DLEC1: variants seen among roughly 807,000 people sequenced by gnomAD.
DLEC1 encodes the protein DLEC1 cilia and flagella associated protein.
DLEC1 carries 146 observed loss-of-function variants against 198.1 expected under a neutral mutation model. That is an observed-to-expected ratio of 0.74 (90% CI 0.64 to 0.85). The LOEUF (loss-of-function observed/expected upper bound fraction) is 0.85. Ranked by LOEUF, DLEC1 falls within the 40% of genes least tolerant of loss-of-function variation. DLEC1 has a pLI of 0.00. For synonymous variants in DLEC1, 897 were observed against 866.8 expected, an observed-to-expected ratio of 1.03 and a Z score of -0.61; for missense variants, 2,233 against 2,220.0, an observed-to-expected ratio of 1.01 and a Z score of -0.12.
Position 38,112,003 on chromosome 3 carries a change from TCTCAGGGAGTA to T in DLEC1, c.3515-206_3515-196del, listed in dbSNP as rs1340380801. ...GGAGGGCTCCCATGGGGACCCAGCC[TCTCAGGGAGTA>T]GAGAGGCTGACCACGCAGGACCCTG... On this transcript the variant is annotated intron_variant, in intron 24 of 36. Coordinates refer to ENST00000308059, the MANE Select transcript of DLEC1 (RefSeq NM_007335.4). This position sits in a 1 kb window ranked among gnomAD's most constrained non-coding sequence, Gnocchi z 4.8. Among the ~76,000 whole-genome samples, 11 of 152,128 alleles carry T rather than the reference TCTCAGGGAGTA, an allele frequency of 7.2e-5. No homozygotes were observed. The highest frequency in any genetic ancestry group is 2.7e-4 in the African/African-American group (11 of 41,416).
Position 38,097,695 on chromosome 3 carries a change from A to G in DLEC1, c.2566-49A>G. The G allele has an allele frequency of 1.9e-6, 3 of 1,613,572 alleles. No individual in the cohort carries two copies. In the South Asian group the frequency reaches 3.3e-5, roughly 18 times the overall value. On this transcript the variant is annotated intron_variant, in intron 17 of 36. Coordinates refer to ENST00000308059, the MANE Select transcript of DLEC1 (RefSeq NM_007335.4). ...CCCAGAGAGGTGGCAGGGCTGGGAC[A>G]CTGAGCCATCCCCAGGTGGCCCAGT...
chr3:38,092,747 G>A (rs1698805055), intron 10 of DLEC1, 43 bp from the exon 11 acceptor site: 1 of 1,572,142 alleles, frequency 6.4e-7, no homozygotes, highest in Non-Finnish European at 8.8e-7. Flanking sequence ...GAGGGTGGAA[G>A]CCCTTTAATG....
At chr3:38,092,761 G>A (rs1559438949) in intron 10 of DLEC1, 29 bp from the exon 11 acceptor site, 1 of 1,605,090 alleles carries the variant, frequency 6.2e-7, no homozygotes, top group Non-Finnish European at 8.5e-7. Context: ...TTTAATGGGA[G>A]GTAACGGAAC....
At chr3:38,089,263 C>A (rs978353736) in intron 10 of DLEC1, among the ~76,000 whole-genome samples, 8 of 152,228 alleles carry the variant, frequency 5.3e-5, no homozygotes, top group Non-Finnish European at 1.0e-4. Flanking sequence ...AAGGCCCTAT[C>A]CCTGAGGTTC....
intron 6 of DLEC1, among the ~76,000 whole-genome samples, chr3:38,076,628 G>A (rs1697638595): frequency 6.6e-6 from 1 of 152,086 alleles, no homozygotes. Context: ...GTTAAGGTGG[G>A]GCAGGGCATA....
intron 19 of DLEC1, among the ~76,000 whole-genome samples, chr3:38,104,162 A>G (rs1699448355): frequency 6.6e-6 from 1 of 152,230 alleles, no homozygotes; most frequent in African/African-American, 2.4e-5. Context: ...AGGTCAATTT[A>G]GACTTTTTTC....
intron 13 of DLEC1, 67 bp downstream of exon 13, chr3:38,095,138 T>G: frequency 6.4e-7 from 1 of 1,570,068 alleles, no homozygotes; most frequent in Non-Finnish European, 8.7e-7. Context: ...CCACCTGTGT[T>G]CCTCAATCAC....
intron 6 of DLEC1, among the ~76,000 whole-genome samples, chr3:38,075,493 G>A (rs1418808835): frequency 1.3e-5 from 2 of 151,846 alleles, no homozygotes; most frequent in Non-Finnish European, 2.9e-5. Context: ...GAAGAAGGAG[G>A]AATGGAGGGT....
Position 38,096,591 on chromosome 3 carries a change from C to T in DLEC1, c.2194C>T (p.His732Tyr). The T allele has an allele frequency of 1.2e-6, 2 of 1,611,784 alleles. No individual in the cohort carries two copies. The highest frequency in any genetic ancestry group is 1.7e-6 in the Non-Finnish European group (2 of 1,179,780). Reference protein sequence around the residue: ...PVSSEAESLGHSSYSVDDVIV... With the variant: ...PVSSEAESLGYSSYSVDDVIV... ...TAGTTCAGAAGCGGAGAGCCTGGGG[C>T]ACTCCTCCTACTCTGTGGATGATGT... Residue 732 changes from histidine (H) to tyrosine (Y), a missense_variant, in exon 15 of 37, where the codon CAC becomes TAC. Coordinates refer to ENST00000308059, the MANE Select transcript of DLEC1 (RefSeq NM_007335.4).
At chr3:38,086,941 G>A (rs977549547) in intron 9 of DLEC1, among the ~76,000 whole-genome samples, 10 of 152,064 alleles carry the variant, frequency 6.6e-5, no homozygotes, top group East Asian at 1.9e-4. Context: ...GGGTGTGGTG[G>A]CATGTGCCTG....
intron 6 of DLEC1, among the ~76,000 whole-genome samples, chr3:38,082,420 G>A (rs1032174465): frequency 1.7e-4 from 26 of 151,672 alleles, no homozygotes; most frequent in South Asian, 6.3e-4. Flanking sequence ...CTGCAATCTC[G>A]GCACTTTGGG....
chr3:38,110,286 G>C lies in DLEC1; in HGVS notation c.3443+5G>C. On this transcript the variant is annotated splice_donor_5th_base_variant and intron_variant, in intron 23 of 36. Coordinates refer to ENST00000308059, the MANE Select transcript of DLEC1 (RefSeq NM_007335.4). ...CCTGAGCAAAAAGACCAGCCTGTAA[G>C]TCTTGCTTCTTTCACTTCCCAGGGC... 3.1e-6 allele frequency: 5 copies of C among 1,614,040 alleles called. No homozygotes were observed. The highest frequency in any genetic ancestry group is 4.2e-6 in the Non-Finnish European group (5 of 1,179,984).
intron 10 of DLEC1, among the ~76,000 whole-genome samples, chr3:38,088,841 T>G (rs1450327634): frequency 1.3e-5 from 2 of 152,148 alleles, no homozygotes; most frequent in African/African-American, 2.4e-5. Flanking sequence ...CGCCTCATCC[T>G]GAACCTCTGC....
chr3:38,082,710 G>A (rs1433076742), intron 6 of DLEC1, among the ~76,000 whole-genome samples: 1 of 151,820 alleles, frequency 6.6e-6, no homozygotes, highest in Non-Finnish European at 1.5e-5. Context: ...AGGGGTTGGG[G>A]TACTTGCCCC....
At chr3:38,044,277 G>C (rs1030093724) in intron 1 of DLEC1, among the ~76,000 whole-genome samples, 1 of 152,052 alleles carries the variant, frequency 6.6e-6, no homozygotes, top group Non-Finnish European at 1.5e-5. Flanking sequence ...AGGAAAATAA[G>C]ACTGGGCGCA....
Position 38,112,774 on chromosome 3 carries a change from G to A in DLEC1, c.3666+413G>A, listed in dbSNP as rs1415697148. 6.6e-6 allele frequency among the ~76,000 whole-genome samples: 1 copy of A among 152,176 alleles called. No individual in the cohort carries two copies. Among genetic ancestry groups the A allele is most frequent in the African/African-American group, 2.4e-5 (1 of 41,434 alleles). On this transcript the variant is annotated intron_variant, in intron 25 of 36. Transcript: ENST00000308059. This position sits in a 1 kb window ranked among gnomAD's most constrained non-coding sequence, Gnocchi z 4.8. ...GGCTCACCCAGGGGTCCATTTAATT[G>A]CTCCAGCACTCAGCATAAATGGAGT...
intron 12 of DLEC1, among the ~76,000 whole-genome samples, chr3:38,094,551 G>T (rs996620077): frequency 1.3e-5 from 2 of 152,198 alleles, no homozygotes; most frequent in South Asian, 2.1e-4. Context: ...ATATTAGGGG[G>T]TGATGTATAG....
intron 16 of DLEC1, 83 bp from the exon 17 acceptor site, chr3:38,097,424 G>A: frequency 1.3e-6 from 2 of 1,590,428 alleles, no homozygotes; most frequent in Admixed American, 1.7e-5. Context: ...AGAAGTCTGT[G>A]CAAGCCAGAT....
At chr3:38,078,516 G>A (rs1270474738) in intron 6 of DLEC1, among the ~76,000 whole-genome samples, 1 of 152,096 alleles carries the variant, frequency 6.6e-6, no homozygotes, top group African/African-American at 2.4e-5. Flanking sequence ...ATTGAGGTTT[G>A]GGAGATTAAT....
Sources: allele counts gnomAD v4.1 joint callset (sites outside exome capture counted in the v4.1 genomes callset), GRCh38; gene constraint gnomAD v4.1.1; non-coding constraint Gnocchi (gnomAD v3.1); transcripts MANE v1.5; gene names NCBI Gene and HGNC (gene_info 2026-07-23, HGNC 2026-07-21).